The following FOXJ3 variants were observed in gnomAD, a reference collection of about 807,000 sequenced individuals.
FOXJ3 encodes forkhead box J3.
A neutral mutation model predicts 76.1 loss-of-function variants in FOXJ3; 22 were observed. That is an observed-to-expected ratio of 0.29 (90% CI 0.21 to 0.41). The LOEUF (loss-of-function observed/expected upper bound fraction) is 0.41. Ranked by LOEUF, FOXJ3 falls within the 10% of genes least tolerant of loss-of-function variation. The probability of loss-of-function intolerance (pLI) is 1.00; values close to 1 mark genes in which losing one functional copy is unlikely to be tolerated. For missense variants in FOXJ3, 613 were observed against 762.1 expected, an observed-to-expected ratio of 0.80 and a Z score of 2.30; for synonymous variants, 269 against 261.2, an observed-to-expected ratio of 1.03 and a Z score of -0.29.
rs545698781 is a variant in FOXJ3, at chr1:42,334,149, T to C, written c.-18+910A>G. 2.9e-5 allele frequency: 28 copies of C among 980,190 alleles called. No individual in the cohort carries two copies. The African/African-American group carries it at 4.5e-4, about 16-fold the overall frequency. 60.7% of individuals were successfully genotyped at this position (980,190 alleles called of 1,614,324 possible). A position where few individuals can be genotyped will look rare whatever the true frequency, so the allele number is the denominator to read the frequency against. ...AAAACTATACACCTGAATGCATCGGTAGCAAGCGCTTATTCTCTATAATTA... is the reference window on the plus strand; with the variant it reads ...AAAACTATACACCTGAATGCATCGGCAGCAAGCGCTTATTCTCTATAATTA... On this transcript the variant is annotated intron_variant, in intron 1 of 12. Transcript: ENST00000361346.
At chr1:42,253,808 T>C (rs1365391589) in intron 4 of FOXJ3, among the ~76,000 whole-genome samples, 1 of 152,110 alleles carries the variant, frequency 6.6e-6, no homozygotes, top group African/African-American at 2.4e-5. Context: ...ATACAAAAAT[T>C]AATTCCAGAT....
intron 4 of FOXJ3, among the ~76,000 whole-genome samples, chr1:42,237,532 C>T (rs1416508732): frequency 2.7e-5 from 4 of 148,362 alleles, no homozygotes; most frequent in Admixed American, 1.3e-4. Context: ...TTCCGAATAA[C>T]GAGTCATTTC....
chr1:42,226,356 A>G (rs1647566498), intron 5 of FOXJ3, among the ~76,000 whole-genome samples: 1 of 152,208 alleles, frequency 6.6e-6, no homozygotes, highest in Admixed American at 6.5e-5. Flanking sequence ...TCACGCCTGT[A>G]GTACCAGCAC....
intron 1 of FOXJ3, among the ~76,000 whole-genome samples, chr1:42,328,166 C>T (rs758634899): frequency 5.9e-5 from 9 of 152,094 alleles, no homozygotes; most frequent in Admixed American, 3.3e-4. Flanking sequence ...TGTGGTGGTA[C>T]GCACCTCTAG....
chr1:42,305,305 T>G (rs1272306091), intron 2 of FOXJ3, among the ~76,000 whole-genome samples: 1 of 152,160 alleles, frequency 6.6e-6, no homozygotes, highest in Non-Finnish European at 1.5e-5. Context: ...GGTGGGAATG[T>G]GTATTAGTAC....
chr1:42,323,597 A>G (rs1570256731), intron 1 of FOXJ3: 1 of 500,812 alleles, frequency 2.0e-6, no homozygotes, highest in Non-Finnish European at 2.6e-6. Flanking sequence ...CATCATCATA[A>G]GCAAAAAACA....
intron 5 of FOXJ3, among the ~76,000 whole-genome samples, chr1:42,214,729 T>C (rs1647031712): frequency 6.6e-6 from 1 of 152,180 alleles, no homozygotes; most frequent in Non-Finnish European, 1.5e-5. Flanking sequence ...TGCAGACAGC[T>C]AAAGCTGTTC....
At chr1:42,246,751 T>G (rs1348593955) in intron 4 of FOXJ3, among the ~76,000 whole-genome samples, 1 of 152,128 alleles carries the variant, frequency 6.6e-6, no homozygotes, top group African/African-American at 2.4e-5. Flanking sequence ...CCATGTTTAC[T>G]GCAACATTAT....
At chr1:42,246,246 T>G (rs343393) in intron 4 of FOXJ3, among the ~76,000 whole-genome samples, 47 of 152,092 alleles carry the variant, frequency 3.1e-4, no homozygotes, top group Non-Finnish European at 5.3e-4. Context: ...CAGAAAATAT[T>G]TGCAAACCAT....
intron 4 of FOXJ3, among the ~76,000 whole-genome samples, chr1:42,245,023 T>C (rs1649433631): frequency 6.6e-6 from 1 of 151,934 alleles, no homozygotes; most frequent in African/African-American, 2.4e-5. Flanking sequence ...CTACTAAAAG[T>C]ACAAACATTA....
At chr1:42,249,076 G>A (rs1037345927) in intron 4 of FOXJ3, among the ~76,000 whole-genome samples, 6 of 152,116 alleles carry the variant, frequency 3.9e-5, no homozygotes, top group Non-Finnish European at 8.8e-5. Context: ...TGCAAAGGAT[G>A]TGATCTCATT....
chr1:42,332,680 C>A (rs910756473), intron 1 of FOXJ3, among the ~76,000 whole-genome samples: 3 of 152,110 alleles, frequency 2.0e-5, no homozygotes, highest in African/African-American at 7.2e-5. Flanking sequence ...TTGAAAGATC[C>A]TCCATCAATA....
chr1:42,317,711 A>G (rs144322574), intron 1 of FOXJ3, among the ~76,000 whole-genome samples: 2 of 152,194 alleles, frequency 1.3e-5, no homozygotes, highest in African/African-American at 4.8e-5. Flanking sequence ...ATTAGCATGG[A>G]TAGGGGTTAA....
intron 5 of FOXJ3, among the ~76,000 whole-genome samples, chr1:42,207,635 C>T (rs1342662541): frequency 6.6e-6 from 1 of 152,190 alleles, no homozygotes. Context: ...ATTGTACATG[C>T]ATTTCTAAAA....
At chr1:42,293,092 C>T (rs1653550365) in intron 2 of FOXJ3, among the ~76,000 whole-genome samples, 1 of 152,062 alleles carries the variant, frequency 6.6e-6, no homozygotes, top group Admixed American at 6.6e-5. Flanking sequence ...CACAGTGAGA[C>T]TCTGCCTCCA....
chr1:42,190,427 G>T (rs1183343503), intron 9 of FOXJ3, among the ~76,000 whole-genome samples: 1 of 152,152 alleles, frequency 6.6e-6, no homozygotes, highest in Non-Finnish European at 1.5e-5. Flanking sequence ...CTGCCATGAA[G>T]CAAGTCGTAA....
intron 7 of FOXJ3, among the ~76,000 whole-genome samples, chr1:42,198,056 C>A (rs1334838191): frequency 1.3e-5 from 2 of 152,052 alleles, no homozygotes; most frequent in Non-Finnish European, 2.9e-5. Flanking sequence ...GGGCTGACTG[C>A]ATAGATTTTT....
At chr1:42,213,799 G>T (rs1290343560) in intron 5 of FOXJ3, among the ~76,000 whole-genome samples, 1 of 152,180 alleles carries the variant, frequency 6.6e-6, no homozygotes, top group African/African-American at 2.4e-5. Context: ...GTTACCAGAA[G>T]TGGGAACAGG....
In FOXJ3 at chr1:42,258,824, G is replaced by A. The variant is rs555979206; in HGVS notation, c.444+6291C>T. Among the ~76,000 whole-genome samples the A allele has an allele frequency of 2.6e-5, 4 of 152,264 alleles. No individual in the cohort carries two copies. The East Asian group carries it at 5.8e-4, about 22-fold the overall frequency. On this transcript the variant is annotated intron_variant, in intron 4 of 12. Transcript: ENST00000361346. ...ATCCTTTTAGAAACTTTAAGTTAGA[G>A]ATAAAGTTTTACTATATCATAACGA...
Sources: gnomAD v4.1 joint callset for allele counts (sites outside exome capture counted in the v4.1 genomes callset) on GRCh38, gnomAD v4.1.1 for gene constraint, MANE v1.5 for transcripts, NCBI Gene and HGNC (gene_info 2026-07-23, HGNC 2026-07-21) for gene names.